Variants in SI observed in about 807,000 individuals in gnomAD.
SI encodes the protein sucrase-isomaltase, also known as sucrase-isomaltase, intestinal.
A neutral mutation model predicts 253.3 loss-of-function variants in SI; 235 were observed. The observed-to-expected ratio is 0.93, with a 90% CI of 0.83 to 1.03. The LOEUF (loss-of-function observed/expected upper bound fraction) is 1.03, where lower values mean the gene tolerates loss of function less well. Ranked by LOEUF, SI falls within the 50% of genes least tolerant of loss-of-function variation. SI has a pLI of 0.00. For missense variants in SI, 2,442 were observed against 2,211.1 expected (o/e 1.10, Z -2.09); for synonymous variants, 819 against 712.0 (o/e 1.15, Z -2.39).
chr3:164,992,426 T>G (rs1717797180), intron 41 of SI, 29 bp from the exon 42 acceptor site: 2 of 1,412,246 alleles, frequency 1.4e-6, no homozygotes, highest in East Asian at 4.6e-5. Flanking sequence ...AATAATTAAA[T>G]TAAAACAAAT....
chr3:165,012,853 GATAT>G (rs1718832643), intron 34 of SI, 123 bp downstream of exon 34: 2 of 745,902 alleles, frequency 2.7e-6, no homozygotes, highest in Non-Finnish European at 4.9e-6. Flanking sequence ...AATATGGTCT[GATAT>G]CGATAATTTA....
rs113104812 is a variant in SI at position 165,039,538 on chromosome 3, C to A, written c.2244+349G>T. On this transcript the variant is annotated intron_variant, in intron 19 of 47. Transcript: ENST00000264382. ...CATCTGATCAGCGAGTTTTCCAGTT[C>A]CTCTTTATTTACAATTGAGCAAAAT... Among the ~76,000 whole-genome samples the A allele has an allele frequency of 5.8e-4, 88 of 152,020 alleles. 2 individuals carry two copies. The highest frequency in any genetic ancestry group is 1.7e-3 in the African/African-American group (70 of 41,502).
chr3:165,033,217 A>G (rs1712339646), intron 23 of SI, among the ~76,000 whole-genome samples, 178 bp downstream of exon 23: 1 of 151,612 alleles, frequency 6.6e-6, no homozygotes, highest in Admixed American at 6.6e-5. Context: ...TTAAGGTAAC[A>G]ATTTATTTAT....
At chr3:165,042,309 CTCAGTAG>C (rs1712877576) in intron 17 of SI, among the ~76,000 whole-genome samples, 1 of 152,068 alleles carries the variant, frequency 6.6e-6, no homozygotes, top group Admixed American at 6.6e-5. Flanking sequence ...CCAGGCTGAG[CTCAGTAG>C]TTGTCCCTCT....
chr3:165,075,302 G>A (rs1419425707), intron 2 of SI, among the ~76,000 whole-genome samples: 1 of 151,954 alleles, frequency 6.6e-6, no homozygotes, highest in African/African-American at 2.4e-5. Context: ...AAGATAATGT[G>A]TAACATCCTT....
the SI span, among the ~76,000 whole-genome samples, chr3:165,086,631 A>T: frequency 6.6e-6 from 1 of 152,158 alleles, no homozygotes; most frequent in Non-Finnish European, 1.5e-5. Context: ...ACATTTGAAT[A>T]CTCTTCAAAA....
At chr3:165,037,833 A>T (rs1193482274) in intron 21 of SI, 67 bp downstream of exon 21, 4 of 1,134,392 alleles carry the variant, frequency 3.5e-6, no homozygotes, top group Non-Finnish European at 5.2e-6. Flanking sequence ...TCTAATTCTT[A>T]ATGCAAATAT....
At chr3:165,008,701 T>TA (rs1403775358) in intron 35 of SI, among the ~76,000 whole-genome samples, 12 of 152,034 alleles carry the variant, frequency 7.9e-5, no homozygotes, top group African/African-American at 2.2e-4. Flanking sequence ...TTTTTCAATT[T>TA]AAAAAATAAG....
At chr3:165,030,347 A>G (rs1053036554) in intron 25 of SI, among the ~76,000 whole-genome samples, 3 of 150,736 alleles carry the variant, frequency 2.0e-5, no homozygotes, top group African/African-American at 7.3e-5. Context: ...ACTTGAGACA[A>G]CTCTTTCAAA....
chr3:165,060,064 A>T, intron 9 of SI, 37 bp from the exon 10 acceptor site: 12 of 1,582,292 alleles, frequency 7.6e-6, no homozygotes, highest in Non-Finnish European at 1.0e-5. Context: ...TTTGAATAGA[A>T]ATAAATATAT....
Position 165,032,636 on chromosome 3 carries a change from T to C in SI, c.2622A>G (p.Ala874=), listed in dbSNP as rs1361812361. The C allele has an allele frequency of 3.1e-6, 5 of 1,608,478 alleles. No homozygotes were observed. The highest frequency in any genetic ancestry group is 8.5e-7 in the Non-Finnish European group (1 of 1,176,254). ...HSSYQEGTTL[A]FQTVKILGLT... is the part of the protein sequence containing the mutation. Reference sequence around the variant, plus strand: ...ACCCAAGGATTTTTACAGTCTGAAATGCTAAGGTAGTTCCTTCCTGATATG... The same window carrying C: ...ACCCAAGGATTTTTACAGTCTGAAACGCTAAGGTAGTTCCTTCCTGATATG... The change falls in exon 24 of 48, where the codon GCA becomes GCG. Residue 874 remains alanine, a synonymous_variant. Transcript: ENST00000264382.
At chr3:164,993,052 G>C (rs1214772293) in intron 41 of SI, among the ~76,000 whole-genome samples, 1 of 151,472 alleles carries the variant, frequency 6.6e-6, no homozygotes, top group Non-Finnish European at 1.5e-5. Context: ...CTTTTGTTGT[G>C]GTTTTGTTTT....
At chr3:165,036,160 G>T (rs1232532166) in intron 22 of SI, among the ~76,000 whole-genome samples, 1 of 151,538 alleles carries the variant, frequency 6.6e-6, no homozygotes, top group Non-Finnish European at 1.5e-5. Flanking sequence ...TCTTGCCAAA[G>T]ACTTACAACA....
At chr3:165,033,602 C>A (rs1559999293) in intron 22 of SI, among the ~76,000 whole-genome samples, 158 bp from the exon 23 acceptor site, 1 of 151,426 alleles carries the variant, frequency 6.6e-6, no homozygotes, top group Non-Finnish European at 1.5e-5. Flanking sequence ...TTAATTGTCT[C>A]TAAATTATAT....
chr3:165,070,451 T>C (rs750043318), intron 3 of SI, among the ~76,000 whole-genome samples: 27 of 150,582 alleles, frequency 1.8e-4, no homozygotes, highest in Non-Finnish European at 3.7e-4. Context: ...TGGGGTACAA[T>C]TGGATCTAAT....
rs1284293009 is a variant in SI, at chr3:165,078,464, TG to T, written c.-33del. Reference sequence around the variant, plus strand: ...TCATAGCCTGTTCTCTTTGCTATGTTGTACCAGACTTGGATAAGGCTGCCAA... The same window carrying T: ...TCATAGCCTGTTCTCTTTGCTATGTTTACCAGACTTGGATAAGGCTGCCAA... On this transcript the variant is annotated 5_prime_UTR_variant, in exon 1 of 48. Transcript: ENST00000264382. The T allele has an allele frequency of 1.3e-5, 2 of 152,078 alleles. No individual in the cohort carries two copies. Among genetic ancestry groups the T allele is most frequent in the African/African-American group, 4.8e-5 (2 of 41,404 alleles). 9.4% of individuals were successfully genotyped at this position (152,078 alleles called of 1,614,324 possible).
chr3:165,055,111 A>G (rs1713632394), intron 13 of SI, 83 bp downstream of exon 13: 2 of 846,978 alleles, frequency 2.4e-6, no homozygotes, highest in East Asian at 4.9e-5. Context: ...TCAGAAAAAA[A>G]TATTTTGTTG....
At chr3:165,059,323 C>T in intron 10 of SI, 24 bp from the exon 11 acceptor site, 3 of 1,607,292 alleles carry the variant, frequency 1.9e-6, no homozygotes, top group Non-Finnish European at 2.6e-6. Context: ...GATTGTATTT[C>T]AATACATAGT....
chr3:165,065,184 C>T (rs1714173247), intron 7 of SI, 77 bp downstream of exon 7: 4 of 923,602 alleles, frequency 4.3e-6, no homozygotes, highest in Non-Finnish European at 7.0e-6. Flanking sequence ...AAAATAAATG[C>T]TGTTTTCAAA....
Sources: gnomAD v4.1 joint callset for allele counts (sites outside exome capture counted in the v4.1 genomes callset) on GRCh38, gnomAD v4.1.1 for gene constraint, MANE v1.5 for transcripts, NCBI Gene and HGNC (gene_info 2026-07-23, HGNC 2026-07-21) for gene names.